Variants in TPD52L1 observed in about 807,000 individuals in gnomAD.
TPD52L1 encodes the protein TPD52 like 1.
Under a neutral mutation model 28.7 loss-of-function variants are expected in TPD52L1, and 18 were observed. The observed-to-expected ratio is 0.63, with a 90% confidence interval of 0.43 to 0.93. TPD52L1 has a LOEUF of 0.93. Ranked by LOEUF, TPD52L1 falls within the 40% of genes least tolerant of loss-of-function variation. The pLI, the probability that TPD52L1 is intolerant of heterozygous loss-of-function variation, is 0.00. For synonymous variants in TPD52L1, 75 were observed against 88.8 expected, an observed-to-expected ratio of 0.84 and a Z score of 0.88; for missense variants, 203 against 254.8, an observed-to-expected ratio of 0.80 and a Z score of 1.39.
Position 125,153,941 on chromosome 6 carries a change from A to C in TPD52L1, c.-11A>C, listed in dbSNP as rs771132686. On this transcript the variant is annotated 5_prime_UTR_variant, in exon 1 of 7. Transcript: ENST00000534000. Reference sequence around the variant, plus strand: ...GGTGTCCCCGCCGCCCTCAGCTCGAAGTCAGCCACCATGGAGGCGCAGGCA... The same window carrying C: ...GGTGTCCCCGCCGCCCTCAGCTCGACGTCAGCCACCATGGAGGCGCAGGCA... The C allele has an allele frequency of 7.5e-6, 12 of 1,606,064 alleles. No homozygotes were observed. In the South Asian group the frequency reaches 1.1e-4, roughly 15 times the overall value.
intron 1 of TPD52L1, among the ~76,000 whole-genome samples, chr6:125,169,287 C>A (rs1791123984): frequency 6.6e-6 from 1 of 152,150 alleles, no homozygotes; most frequent in Admixed American, 6.5e-5. Flanking sequence ...CACTGTTTGC[C>A]ATCTCATGAC....
intron 2 of TPD52L1, among the ~76,000 whole-genome samples, chr6:125,223,479 TGGG>T (rs562026485): frequency 1.3e-5 from 2 of 151,860 alleles, no homozygotes; most frequent in Non-Finnish European, 2.9e-5. Context: ...GAGGCCGAGG[TGGG>T]GGGATCACCA....
intron 3 of TPD52L1, chr6:125,234,374 A>G (rs2114999794): frequency 6.6e-6 from 1 of 152,336 alleles, no homozygotes; most frequent in Non-Finnish European, 1.5e-5. Context: ...CTCTTGAGTT[A>G]GAAGCTTCAC....
intron 2 of TPD52L1, among the ~76,000 whole-genome samples, chr6:125,226,058 GT>G (rs1010792831): frequency 6.6e-6 from 1 of 152,206 alleles, no homozygotes; most frequent in African/African-American, 2.4e-5. Context: ...ACAAAGAGAG[GT>G]TGTTGGCCTT....
At chr6:125,156,312 C>G (rs1353530951) in intron 1 of TPD52L1, among the ~76,000 whole-genome samples, 2 of 151,260 alleles carry the variant, frequency 1.3e-5, no homozygotes. Flanking sequence ...AAAAAATAAA[C>G]AGAATTAGCT....
chr6:125,237,440 G>C (rs780793305), intron 3 of TPD52L1, among the ~76,000 whole-genome samples: 2 of 152,156 alleles, frequency 1.3e-5, no homozygotes, highest in Non-Finnish European at 2.9e-5. Flanking sequence ...TGATGAATTT[G>C]ATTTGGAGAA....
intron 1 of TPD52L1, among the ~76,000 whole-genome samples, chr6:125,182,446 T>C (rs1246988323): frequency 6.6e-6 from 1 of 152,146 alleles, no homozygotes; most frequent in Non-Finnish European, 1.5e-5. Context: ...TTACCCTCTC[T>C]GGTAGTCAGG....
chr6:125,184,310 T>C (rs1234014276), intron 1 of TPD52L1, among the ~76,000 whole-genome samples: 1 of 152,098 alleles, frequency 6.6e-6, no homozygotes, highest in Non-Finnish European at 1.5e-5. Context: ...ACTAGCAAAA[T>C]GGATGGGATT....
intron 1 of TPD52L1, among the ~76,000 whole-genome samples, chr6:125,184,785 A>T (rs981990711): frequency 6.6e-6 from 1 of 152,198 alleles, no homozygotes; most frequent in Non-Finnish European, 1.5e-5. Flanking sequence ...TAGCCAGCAA[A>T]TAGTAGAGGA....
intron 1 of TPD52L1, among the ~76,000 whole-genome samples, chr6:125,205,634 C>G (rs898083846): frequency 1.3e-5 from 2 of 152,124 alleles, no homozygotes; most frequent in African/African-American, 4.8e-5. Context: ...GGTTTGAGCT[C>G]CTGGAAGATT....
At chr6:125,162,224 G>A (rs1034859729) in intron 1 of TPD52L1, among the ~76,000 whole-genome samples, 2 of 152,096 alleles carry the variant, frequency 1.3e-5, no homozygotes, top group Non-Finnish European at 2.9e-5. Flanking sequence ...GCATATTTTA[G>A]GTGAAGTCAG....
In TPD52L1 at chr6:125,253,894, T is replaced by A. The variant is rs776184617; in HGVS notation, c.425+139T>A. 1.4e-5 allele frequency: 12 copies of A among 877,466 alleles called. 1 individual carries two copies. Among genetic ancestry groups the A allele is most frequent in the Middle Eastern group, 2.2e-4 (1 of 4,646 alleles). The allele number at this position is 877,466 out of a possible 1,614,324, so 54.4% of individuals were successfully genotyped here. A position where few individuals can be genotyped will look rare whatever the true frequency, so the allele number is the denominator to read the frequency against. On this transcript the variant is annotated intron_variant, in intron 5 of 6. Coordinates refer to ENST00000534000, the MANE Select transcript of TPD52L1 (RefSeq NM_003287.4). Reference sequence around the variant, plus strand: ...GGTCTTCAAAAGAAAAGGCTGACAATTCTGTGGAAGAATTGCGTAGCTTGG... The same window carrying A: ...GGTCTTCAAAAGAAAAGGCTGACAAATCTGTGGAAGAATTGCGTAGCTTGG...
intron 1 of TPD52L1, among the ~76,000 whole-genome samples, chr6:125,216,529 G>GTATATATATATATATA (rs56135453): frequency 1.4e-5 from 1 of 69,066 alleles, no homozygotes; most frequent in African/African-American, 8.5e-5. Flanking sequence ...GTATGTGTGT[G>GTATATATATATATATA]TATATATATA....
At chr6:125,172,195 TTC>T (rs1212664636) in intron 1 of TPD52L1, among the ~76,000 whole-genome samples, 1 of 132,430 alleles carries the variant, frequency 7.6e-6, no homozygotes, top group Non-Finnish European at 1.6e-5. Flanking sequence ...CTTTCTTTCT[TTC>T]TTTCTTTCTT....
intron 1 of TPD52L1, among the ~76,000 whole-genome samples, chr6:125,169,873 T>G (rs1203816114): frequency 6.6e-6 from 1 of 152,166 alleles, no homozygotes; most frequent in East Asian, 1.9e-4. Context: ...GACCTTACAG[T>G]GGCCTTTCCT....
At position 125,218,907 on chromosome 6, in the gene TPD52L1, A is replaced by G. The variant is rs182892817; in HGVS notation, c.20-1171A>G. ...GAAAAATGGAATTTATTGGGTGAAA[A>G]GGAAAAAAACTCAGCAAAGCAAGAG... On this transcript the variant is annotated intron_variant, in intron 1 of 6. Transcript: ENST00000534000. Among the ~76,000 whole-genome samples the G allele has an allele frequency of 3.9e-5, 6 of 152,302 alleles. No homozygotes were observed. The East Asian group carries it at 1.2e-3, about 29-fold the overall frequency.
chr6:125,249,551 G>A (rs1797134054), intron 4 of TPD52L1, among the ~76,000 whole-genome samples: 1 of 151,492 alleles, frequency 6.6e-6, no homozygotes, highest in Non-Finnish European at 1.5e-5. Context: ...AATTAGCCAG[G>A]CATGGTTGTG....
chr6:125,154,534 T>C, intron 1 of TPD52L1: 2 of 940,308 alleles, frequency 2.1e-6, no homozygotes, highest in Non-Finnish European at 2.4e-6. Context: ...GATCCACACG[T>C]GAGTCCCGGT....
intron 5 of TPD52L1, among the ~76,000 whole-genome samples, 158 bp from the exon 6 acceptor site, chr6:125,256,940 A>G (rs1420918157): frequency 1.3e-5 from 2 of 152,274 alleles, no homozygotes; most frequent in African/African-American, 4.8e-5. Flanking sequence ...ACCTAACAGA[A>G]GTGACATACA....
Sources: gnomAD v4.1 joint callset for allele counts (sites outside exome capture counted in the v4.1 genomes callset) on GRCh38, gnomAD v4.1.1 for gene constraint, MANE v1.5 for transcripts, NCBI Gene and HGNC (gene_info 2026-07-23, HGNC 2026-07-21) for gene names.